The following BIRC6 variants were observed in gnomAD, a reference collection of about 807,000 sequenced individuals.
BIRC6 encodes baculoviral IAP repeat containing 6.
In BIRC6, 98 loss-of-function variants were observed where a neutral mutation model predicts 503.3. The ratio of observed to expected loss-of-function variants is 0.19; its 90% CI spans 0.17 to 0.23. BIRC6 has a LOEUF of 0.23. Ranked by LOEUF, BIRC6 falls within the 10% of genes least tolerant of loss-of-function variation. The pLI, the probability that BIRC6 is intolerant of heterozygous loss-of-function variation, is 1.00. For missense variants in BIRC6, 5,360 were observed against 5,806.0 expected, an observed-to-expected ratio of 0.92 and a Z score of 2.50; for synonymous variants, 2,240 against 2,078.7, an observed-to-expected ratio of 1.08 and a Z score of -2.11.
At chr2:32,573,779 A>G (rs1394611392) in intron 65 of BIRC6, among the ~76,000 whole-genome samples, 1 of 152,214 alleles carries the variant, frequency 6.6e-6, no homozygotes, top group Non-Finnish European at 1.5e-5. Flanking sequence ...ATTTATTGAA[A>G]TAGACTCTGG....
At chr2:32,405,675 T>A (rs1358404344) in intron 8 of BIRC6, among the ~76,000 whole-genome samples, 1 of 152,088 alleles carries the variant, frequency 6.6e-6, no homozygotes, top group East Asian at 1.9e-4. Flanking sequence ...TGTAAAGGAG[T>A]TCTTAGCCTC....
intron 66 of BIRC6, 77 bp from the exon 67 acceptor site, chr2:32,593,838 T>G: frequency 8.0e-7 from 1 of 1,251,562 alleles, no homozygotes. Flanking sequence ...CACTCATTTG[T>G]ATATTGATTT....
chr2:32,358,998 G>A (rs2033633908), intron 1 of BIRC6, among the ~76,000 whole-genome samples: 1 of 152,130 alleles, frequency 6.6e-6, no homozygotes, highest in East Asian at 1.9e-4. Flanking sequence ...GTATGAAAAG[G>A]TATGAAGAGT....
intron 9 of BIRC6, 28 bp downstream of exon 9, chr2:32,406,585 T>G: frequency 6.5e-7 from 1 of 1,536,756 alleles, no homozygotes; most frequent in Non-Finnish European, 9.0e-7. Flanking sequence ...GATAATGTAT[T>G]TAAAAAATTC....
At chr2:32,555,272 C>T (rs183887753) in intron 65 of BIRC6, among the ~76,000 whole-genome samples, 4 of 152,082 alleles carry the variant, frequency 2.6e-5, no homozygotes, top group Non-Finnish European at 5.9e-5. Flanking sequence ...CTTTGGGAGG[C>T]CAAGATGAGA....
chr2:32,490,168 A>G lies in BIRC6; in HGVS notation c.8206+17A>G. 1 of 1,537,622 alleles carries G rather than the reference A, an allele frequency of 6.5e-7. No homozygotes were observed. ...AGCTTAATTGTAAGTTCATAAATTT[A>G]TTCATTTAAATCTCTGACATATACT... On this transcript the variant is annotated intron_variant, in intron 43 of 73. Coordinates refer to ENST00000421745, the MANE Select transcript of BIRC6 (RefSeq NM_016252.4).
chr2:32,395,211 TCTTATA>T (rs1291013102), intron 5 of BIRC6, among the ~76,000 whole-genome samples: 1 of 152,138 alleles, frequency 6.6e-6, no homozygotes, highest in Non-Finnish European at 1.5e-5. Context: ...AGACTCTTTC[TCTTATA>T]CTTAATATTT....
chr2:32,463,825 A>G (rs1345786125), intron 24 of BIRC6, among the ~76,000 whole-genome samples: 2 of 152,232 alleles, frequency 1.3e-5, no homozygotes, highest in East Asian at 1.9e-4. Context: ...ACCAGTACCA[A>G]TAAATAGCCT....
chr2:32,536,097 A>G (rs1358517798), intron 61 of BIRC6, among the ~76,000 whole-genome samples: 1 of 152,218 alleles, frequency 6.6e-6, no homozygotes, highest in East Asian at 1.9e-4. Context: ...GGCTGCATAA[A>G]TGTCTTCTTT....
chr2:32,371,323 C>T (rs1425868363), intron 1 of BIRC6, among the ~76,000 whole-genome samples: 1 of 151,044 alleles, frequency 6.6e-6, no homozygotes, highest in African/African-American at 2.4e-5. Flanking sequence ...AATTTCATTA[C>T]CTAGAGATGG....
intron 54 of BIRC6, among the ~76,000 whole-genome samples, chr2:32,513,595 A>C (rs896204737): frequency 3.9e-4 from 59 of 152,116 alleles, no homozygotes; most frequent in African/African-American, 1.3e-3. Context: ...GCAACATGCA[A>C]AACGTTGTCT....
intron 53 of BIRC6, 113 bp from the exon 54 acceptor site, chr2:32,512,816 CAATT>C: frequency 1.4e-6 from 1 of 727,934 alleles, no homozygotes; most frequent in Non-Finnish European, 2.3e-6. Context: ...TAATCAAAAA[CAATT>C]AGTGCATTAT....
Position 32,505,163 on chromosome 2 carries a change from C to T in BIRC6, c.9658C>T (p.Leu3220Phe). 1 of 1,590,564 alleles carries T rather than the reference C, an allele frequency of 6.3e-7. No individual in the cohort carries two copies. The highest frequency in any genetic ancestry group is 8.6e-7 in the Non-Finnish European group (1 of 1,167,640). The change falls in exon 50 of 74, where the codon CTT becomes TTT. Residue 3220 changes from leucine (L) to phenylalanine (F), a missense_variant. Transcript: ENST00000421745. ...CATTCACCTTCCTGCAGCAGTGCTG[C>T]TTAAGGAGATACATATCCAGCCTCA... The part of the protein sequence containing the change: ...LTIHLPAAVL[L>F]KEIHIQPHLA...
intron 72 of BIRC6, among the ~76,000 whole-genome samples, chr2:32,608,451 G>A (rs779483606): frequency 6.7e-6 from 1 of 149,590 alleles, no homozygotes; most frequent in Non-Finnish European, 1.5e-5. Flanking sequence ...TTTCGTTCTC[G>A]TTGCCCAGGC....
chr2:32,530,742 A>G (rs1298434113), intron 60 of BIRC6, among the ~76,000 whole-genome samples: 1 of 152,140 alleles, frequency 6.6e-6, no homozygotes, highest in Admixed American at 6.6e-5. Flanking sequence ...GGTCTTTTGT[A>G]TTCTTCAGCA....
At chr2:32,481,956 G>A (rs1227900364) in intron 38 of BIRC6, among the ~76,000 whole-genome samples, 1 of 152,030 alleles carries the variant, frequency 6.6e-6, no homozygotes, top group Non-Finnish European at 1.5e-5. Context: ...ATAGTATAAA[G>A]AAAACTTACA....
At chr2:32,578,777 C>A (rs1412117490) in intron 66 of BIRC6, among the ~76,000 whole-genome samples, 1 of 151,558 alleles carries the variant, frequency 6.6e-6, no homozygotes, top group Non-Finnish European at 1.5e-5. Flanking sequence ...CCAGTCTGGG[C>A]AACAGAGGGA....
Position 32,596,249 on chromosome 2 carries a change from G to A in BIRC6, c.13612+1105G>A, listed in dbSNP as rs540011028. Among the ~76,000 whole-genome samples the A allele has an allele frequency of 7.9e-5, 12 of 152,018 alleles. No homozygotes were observed. In the East Asian group the frequency reaches 1.2e-3, roughly 15 times the overall value. ...CTGTAATCCAGCACTTTAGGAGGCCGAGGTGGGCGGTCACGAGGTCGGGAG... is the reference window on the plus strand; with the variant it reads ...CTGTAATCCAGCACTTTAGGAGGCCAAGGTGGGCGGTCACGAGGTCGGGAG... On this transcript the variant is annotated intron_variant, in intron 68 of 73. Transcript: ENST00000421745.
intron 36 of BIRC6, 88 bp from the exon 37 acceptor site, chr2:32,479,374 G>A: frequency 7.9e-7 from 1 of 1,270,888 alleles, no homozygotes; most frequent in Non-Finnish European, 1.1e-6. Flanking sequence ...TATTCTGTCA[G>A]TGACTAAACT....
Sources: gnomAD v4.1 joint callset for allele counts (sites outside exome capture counted in the v4.1 genomes callset) on GRCh38, gnomAD v4.1.1 for gene constraint, MANE v1.5 for transcripts, NCBI Gene and HGNC (gene_info 2026-07-23, HGNC 2026-07-21) for gene names.